The following CCDC178 variants were observed in gnomAD, a reference collection of about 807,000 sequenced individuals.
CCDC178 encodes coiled-coil domain containing 178.
Under a neutral mutation model 117.4 loss-of-function variants are expected in CCDC178, and 126 were observed. The observed-to-expected ratio is 1.07, with a 90% CI of 0.93 to 1.24. The LOEUF (loss-of-function observed/expected upper bound fraction) is 1.24. CCDC178 is among the 50% of genes most tolerant of loss of function. CCDC178 has a pLI of 0.00. For missense variants in CCDC178, 1,030 were observed against 986.9 expected (o/e 1.04, Z -0.59); for synonymous variants, 283 against 313.4 (o/e 0.90, Z 1.02).
chr18:33,173,882 A>G (rs2058633395), intron 20 of CCDC178, among the ~76,000 whole-genome samples: 1 of 152,170 alleles, frequency 6.6e-6, no homozygotes, highest in Admixed American at 6.5e-5. Context: ...AAAAGTGATA[A>G]TCCTTGAAAA....
intron 6 of CCDC178, among the ~76,000 whole-genome samples, chr18:33,362,147 G>A (rs2063138141): frequency 6.8e-6 from 1 of 147,020 alleles, no homozygotes; most frequent in Admixed American, 7.0e-5. Context: ...ATGTGTATGT[G>A]TGTCTATATG....
At chr18:33,367,577 T>C (rs754931012) in intron 6 of CCDC178, among the ~76,000 whole-genome samples, 22 of 151,938 alleles carry the variant, frequency 1.4e-4, no homozygotes, top group South Asian at 2.1e-4. Context: ...AATGGGAAGA[T>C]TTTTTTCTTA....
chr18:33,243,846 G>A (rs2059515670), intron 15 of CCDC178, among the ~76,000 whole-genome samples: 1 of 151,808 alleles, frequency 6.6e-6, no homozygotes, highest in Non-Finnish European at 1.5e-5. Flanking sequence ...GTAAGTGGAT[G>A]ATGATATCTT....
intron 6 of CCDC178, among the ~76,000 whole-genome samples, chr18:33,361,041 T>C (rs1297077867): frequency 6.6e-6 from 1 of 151,342 alleles, no homozygotes; most frequent in Non-Finnish European, 1.5e-5. Flanking sequence ...CCAACAATAC[T>C]GAGGAAAAAA....
At chr18:32,950,771 G>T (rs1489259903) in intron 22 of CCDC178, among the ~76,000 whole-genome samples, 1 of 152,100 alleles carries the variant, frequency 6.6e-6, no homozygotes, top group Non-Finnish European at 1.5e-5. Context: ...GAAAATATTG[G>T]AGACATACTA....
At chr18:33,351,341 C>T (rs539096817) in intron 7 of CCDC178, among the ~76,000 whole-genome samples, 45 of 151,972 alleles carry the variant, frequency 3.0e-4, no homozygotes, top group African/African-American at 9.4e-4. Flanking sequence ...TACAGGCGCC[C>T]GCCATCACAC....
chr18:33,246,097 T>C (rs1454383793), intron 14 of CCDC178, among the ~76,000 whole-genome samples: 1 of 151,894 alleles, frequency 6.6e-6, no homozygotes. Flanking sequence ...AATAAAACTT[T>C]GTGCTTCTAA....
intron 2 of CCDC178, among the ~76,000 whole-genome samples, chr18:33,412,407 A>G (rs1227568455): frequency 6.6e-6 from 1 of 152,104 alleles, no homozygotes; most frequent in African/African-American, 2.4e-5. Context: ...ATGGGTTCAC[A>G]GCCCTGGGGG....
chr18:33,151,887 A>G (rs1031771757), intron 20 of CCDC178, among the ~76,000 whole-genome samples: 1 of 152,202 alleles, frequency 6.6e-6, no homozygotes, highest in East Asian at 1.9e-4. Flanking sequence ...ATCAACAACA[A>G]TATTATTATG....
intron 12 of CCDC178, among the ~76,000 whole-genome samples, chr18:33,284,904 G>C (rs1285269543): frequency 6.6e-6 from 1 of 150,868 alleles, no homozygotes; most frequent in African/African-American, 2.4e-5. Flanking sequence ...TAGCTCTTGG[G>C]GAAAGAAAGA....
intron 14 of CCDC178, 99 bp from the exon 15 acceptor site, chr18:33,245,527 A>G (rs2059540000): frequency 8.4e-7 from 1 of 1,184,478 alleles, no homozygotes; most frequent in Admixed American, 3.8e-5. Context: ...TATGTTGTCA[A>G]AAATACAAAA....
chr18:33,188,434 C>G (rs913072429), intron 20 of CCDC178, among the ~76,000 whole-genome samples: 3 of 151,910 alleles, frequency 2.0e-5, no homozygotes, highest in African/African-American at 7.3e-5. Flanking sequence ...TCCAAATAAG[C>G]CCAGCATAAT....
chr18:33,284,557 AATGAACAGTGACTAC>A (rs1304365751), intron 12 of CCDC178, among the ~76,000 whole-genome samples: 1 of 152,212 alleles, frequency 6.6e-6, no homozygotes, highest in East Asian at 1.9e-4. Context: ...ATACAAAAAA[AATGAACAGTGACTAC>A]ATCTGGATGG....
intron 6 of CCDC178, among the ~76,000 whole-genome samples, chr18:33,363,014 T>TA (rs2063151721): frequency 6.6e-6 from 1 of 151,892 alleles, no homozygotes. Flanking sequence ...ACAGCAAAGA[T>TA]ACCATACTAA....
At chr18:33,405,892 T>C (rs921084042) in intron 3 of CCDC178, among the ~76,000 whole-genome samples, 11 of 151,996 alleles carry the variant, frequency 7.2e-5, no homozygotes, top group Non-Finnish European at 1.6e-4. Flanking sequence ...GTACCAAAAA[T>C]ATGGTGTTGG....
At chr18:33,308,352 C>CT (rs912845526) in intron 11 of CCDC178, among the ~76,000 whole-genome samples, 2 of 152,160 alleles carry the variant, frequency 1.3e-5, no homozygotes, top group African/African-American at 4.8e-5. Flanking sequence ...CTGTAGCCCC[C>CT]TTTTTTTGGC....
intron 21 of CCDC178, among the ~76,000 whole-genome samples, chr18:32,989,568 T>A (rs758649283): frequency 3.3e-5 from 5 of 152,182 alleles, no homozygotes; most frequent in Admixed American, 6.5e-5. Flanking sequence ...AAAGCAGTCA[T>A]AGAAGAGATG....
chr18:33,294,058 T>C (rs148289544), intron 11 of CCDC178, among the ~76,000 whole-genome samples: 2 of 152,194 alleles, frequency 1.3e-5, no homozygotes, highest in African/African-American at 4.8e-5. Flanking sequence ...ATAAAGGAAA[T>C]TGTAGCTTAG....
At chr18:33,165,440 T>A (rs1051814168) in intron 20 of CCDC178, among the ~76,000 whole-genome samples, 1 of 152,196 alleles carries the variant, frequency 6.6e-6, no homozygotes, top group African/African-American at 2.4e-5. Context: ...ATGCAAATAC[T>A]ATGCCATTGT....
Sources: allele counts gnomAD v4.1 joint callset (sites outside exome capture counted in the v4.1 genomes callset), GRCh38; gene constraint gnomAD v4.1.1; transcripts MANE v1.5; gene names NCBI Gene and HGNC (gene_info 2026-07-23, HGNC 2026-07-21).